Variants in PTPRD observed in about 807,000 individuals in gnomAD.
PTPRD encodes the protein protein tyrosine phosphatase receptor type D, also known as receptor-type tyrosine-protein phosphatase delta.
Under a neutral mutation model 214.5 loss-of-function variants are expected in PTPRD, and 34 were observed. The observed-to-expected ratio is 0.16, with a 90% CI of 0.12 to 0.21. The LOEUF (loss-of-function observed/expected upper bound fraction) is 0.21, where lower values mean the gene tolerates loss of function less well. PTPRD is among the 10% of genes least tolerant of loss of function. The probability of loss-of-function intolerance (pLI) is 1.00; values close to 1 mark genes in which losing one functional copy is unlikely to be tolerated. For missense variants in PTPRD, 2,545 were observed against 2,398.7 expected (o/e 1.06, Z -1.27); for synonymous variants, 1,128 against 845.7 (o/e 1.33, Z -5.79).
intron 7 of PTPRD, among the ~76,000 whole-genome samples, chr9:9,643,600 C>A (rs1340369810): frequency 6.6e-6 from 1 of 152,028 alleles, no homozygotes; most frequent in Non-Finnish European, 1.5e-5. Context: ...ATTAATAGAT[C>A]CTCACTTTTA....
intron 10 of PTPRD, among the ~76,000 whole-genome samples, chr9:9,174,876 A>G (rs2099923680): frequency 6.6e-6 from 1 of 152,064 alleles, no homozygotes; most frequent in Non-Finnish European, 1.5e-5. Flanking sequence ...CTCACCCAAA[A>G]TTCATAATCT....
At chr9:9,468,265 T>C (rs1268510544) in intron 8 of PTPRD, among the ~76,000 whole-genome samples, 1 of 152,054 alleles carries the variant, frequency 6.6e-6, no homozygotes, top group Non-Finnish European at 1.5e-5. Flanking sequence ...TCATTTCCTA[T>C]AATATTTCAA....
At chr9:9,121,489 C>T (rs2099817583) in intron 10 of PTPRD, among the ~76,000 whole-genome samples, 1 of 152,030 alleles carries the variant, frequency 6.6e-6, no homozygotes, top group Non-Finnish European at 1.5e-5. Flanking sequence ...TACTACTCAG[C>T]CATACAAAGG....
chr9:9,924,995 T>C (rs2083771917), intron 5 of PTPRD, among the ~76,000 whole-genome samples: 1 of 152,144 alleles, frequency 6.6e-6, no homozygotes, highest in Non-Finnish European at 1.5e-5. Context: ...TTTACTATAA[T>C]TTCTAAATAG....
chr9:9,645,515 C>T (rs2096128746), intron 7 of PTPRD, among the ~76,000 whole-genome samples: 1 of 148,756 alleles, frequency 6.7e-6, no homozygotes, highest in East Asian at 2.0e-4. Context: ...ATCAAGTGAA[C>T]AAAACATTTT....
intron 6 of PTPRD, among the ~76,000 whole-genome samples, chr9:9,742,690 T>A (rs919067104): frequency 6.6e-6 from 1 of 152,206 alleles, no homozygotes; most frequent in East Asian, 1.9e-4. Context: ...CCTTCCTTCA[T>A]CTCAAATATG....
At chr9:9,607,126 G>A (rs16929909) in intron 7 of PTPRD, among the ~76,000 whole-genome samples, 2,497 of 151,954 alleles carry the variant, frequency 0.016, 67 homozygotes, top group African/African-American at 0.057. Context: ...CAGACTGAAT[G>A]CAATGAGTTA....
chr9:9,677,161 G>C (rs1438770421), intron 7 of PTPRD, among the ~76,000 whole-genome samples: 2 of 152,036 alleles, frequency 1.3e-5, no homozygotes, highest in African/African-American at 4.8e-5. Context: ...TTTGGCTTTT[G>C]TTGCCATTGC....
intron 5 of PTPRD, among the ~76,000 whole-genome samples, chr9:9,921,343 G>C (rs554354598): frequency 6.6e-6 from 1 of 151,920 alleles, no homozygotes; most frequent in Non-Finnish European, 1.5e-5. Context: ...ATCTCTTTTT[G>C]TAAGGTTATA....
chr9:10,524,088 G>A (rs561742176), intron 2 of PTPRD, among the ~76,000 whole-genome samples: 15 of 151,898 alleles, frequency 9.9e-5, no homozygotes, highest in Non-Finnish European at 1.2e-4. Flanking sequence ...CTTGGTACAC[G>A]CACAGATTTC....
At chr9:9,067,989 T>C (rs1024978286) in intron 10 of PTPRD, among the ~76,000 whole-genome samples, 1 of 152,192 alleles carries the variant, frequency 6.6e-6, no homozygotes, top group African/African-American at 2.4e-5. Context: ...TCCCCACCTC[T>C]CCCGGCTACC....
At chr9:10,144,271 C>G (rs529922200) in intron 3 of PTPRD, among the ~76,000 whole-genome samples, 14 of 152,132 alleles carry the variant, frequency 9.2e-5, no homozygotes, top group Non-Finnish European at 1.6e-4. Context: ...ATACTCTTCT[C>G]TCCAAAAAGT....
At chr9:9,557,400 A>G (rs2081811332) in intron 8 of PTPRD, among the ~76,000 whole-genome samples, 1 of 152,220 alleles carries the variant, frequency 6.6e-6, no homozygotes, top group Non-Finnish European at 1.5e-5. Context: ...CATAGCAGAT[A>G]GCAAGCCCTG....
chr9:8,504,820 G>A (rs189327340), intron 22 of PTPRD, among the ~76,000 whole-genome samples: 1 of 152,254 alleles, frequency 6.6e-6, no homozygotes, highest in African/African-American at 2.4e-5. Context: ...TTGAACAGAT[G>A]TCTACTCATC....
At chr9:9,175,467 A>T (rs1035302412) in intron 10 of PTPRD, among the ~76,000 whole-genome samples, 21 of 151,720 alleles carry the variant, frequency 1.4e-4, no homozygotes, top group South Asian at 8.3e-4. Flanking sequence ...CTAAAAATAC[A>T]AAAAAATTAG....
At chr9:9,476,923 C>A (rs10977807) in intron 8 of PTPRD, among the ~76,000 whole-genome samples, 1 of 150,966 alleles carries the variant, frequency 6.6e-6, no homozygotes, top group Non-Finnish European at 1.5e-5. Context: ...TCAGTAGGGA[C>A]GGGGTTTCTC....
chr9:9,859,837 C>T (rs1049541118), intron 5 of PTPRD, among the ~76,000 whole-genome samples: 3 of 152,170 alleles, frequency 2.0e-5, no homozygotes, highest in African/African-American at 7.2e-5. Flanking sequence ...TAACATGGCT[C>T]TGTTTCTTCT....
At chr9:8,637,958 T>G (rs1029291702) in intron 12 of PTPRD, among the ~76,000 whole-genome samples, 2 of 152,078 alleles carry the variant, frequency 1.3e-5, no homozygotes, top group Non-Finnish European at 2.9e-5. Context: ...TTGAACAAAG[T>G]AAATAAAACA....
intron 20 of PTPRD, among the ~76,000 whole-genome samples, chr9:8,520,829 T>G (rs1410410839): frequency 6.6e-6 from 1 of 152,198 alleles, no homozygotes; most frequent in Non-Finnish European, 1.5e-5. Flanking sequence ...AATCATCTAT[T>G]ACTAGACTAT....
Sources: gnomAD v4.1 joint callset for allele counts (sites outside exome capture counted in the v4.1 genomes callset) on GRCh38, gnomAD v4.1.1 for gene constraint, MANE v1.5 for transcripts, NCBI Gene and HGNC (gene_info 2026-07-23, HGNC 2026-07-21) for gene names.